The following SGCZ variants were observed in gnomAD, a reference collection of about 807,000 sequenced individuals.
SGCZ encodes zeta-sarcoglycan.
In SGCZ, 40 loss-of-function variants were observed where a neutral mutation model predicts 41.3. The ratio of observed to expected loss-of-function variants is 0.97; its 90% confidence interval spans 0.75 to 1.26. The LOEUF is 1.26. Ranked by LOEUF, SGCZ falls within the 50% of genes most tolerant of loss-of-function variation. The pLI, the probability that SGCZ is intolerant of heterozygous loss-of-function variation, is 0.00. For missense variants in SGCZ, 552 were observed against 369.8 expected, an observed-to-expected ratio of 1.49 and a Z score of -4.04; for synonymous variants, 206 against 137.5, an observed-to-expected ratio of 1.50 and a Z score of -3.49.
rs188430869 is a variant in SGCZ at position 14,991,546 on chromosome 8, C to G, written c.39+246039G>C. On this transcript the variant is annotated intron_variant, in intron 1 of 7. Transcript: ENST00000382080. ...ATGTCATCTGGCCACGTGATGCTTTCCTTGAATATTATCAAAGCACTTATG... is the reference window on the plus strand; with the variant it reads ...ATGTCATCTGGCCACGTGATGCTTTGCTTGAATATTATCAAAGCACTTATG... 2.6e-3 allele frequency among the ~76,000 whole-genome samples: 393 copies of G among 152,212 alleles called. 1 individual carries two copies. Among genetic ancestry groups the G allele is most frequent in the African/African-American group, 9.1e-3 (380 of 41,534 alleles).
chr8:15,029,081 T>A (rs1332299240), intron 1 of SGCZ, among the ~76,000 whole-genome samples: 6 of 152,086 alleles, frequency 3.9e-5, no homozygotes, highest in Non-Finnish European at 7.4e-5. Context: ...AGATTAGCAT[T>A]CCAAACCAGT....
chr8:14,567,220 C>A (rs1804398527), intron 1 of SGCZ, among the ~76,000 whole-genome samples: 1 of 152,200 alleles, frequency 6.6e-6, no homozygotes, highest in Non-Finnish European at 1.5e-5. Context: ...CTGAGGAGTG[C>A]AGGCGCACGG....
intron 1 of SGCZ, among the ~76,000 whole-genome samples, chr8:15,144,746 G>A (rs80299711): frequency 5.0e-4 from 76 of 152,298 alleles, no homozygotes; most frequent in African/African-American, 1.7e-3. Context: ...CATGAGCAAC[G>A]GCGCCCAGCC....
intron 1 of SGCZ, among the ~76,000 whole-genome samples, chr8:14,719,152 T>A (rs988297135): frequency 6.6e-6 from 1 of 150,912 alleles, no homozygotes; most frequent in Non-Finnish European, 1.5e-5. Flanking sequence ...TGATTTCCAG[T>A]TTCATCCATG....
intron 1 of SGCZ, among the ~76,000 whole-genome samples, chr8:14,686,259 A>T (rs1397093619): frequency 1.3e-5 from 2 of 152,266 alleles, no homozygotes; most frequent in East Asian, 3.9e-4. Flanking sequence ...AGGATATCCA[A>T]ATGAATAATT....
chr8:14,686,317 A>G (rs562666848), intron 1 of SGCZ, among the ~76,000 whole-genome samples: 1 of 152,174 alleles, frequency 6.6e-6, no homozygotes, highest in Admixed American at 6.6e-5. Flanking sequence ...GAAATATACA[A>G]TATAGTAACA....
intron 1 of SGCZ, among the ~76,000 whole-genome samples, chr8:14,884,913 G>A (rs761839681): frequency 9.9e-5 from 15 of 151,938 alleles, no homozygotes; most frequent in African/African-American, 2.2e-4. Flanking sequence ...GCAGACAGGC[G>A]CGTGTGTGTC....
intron 1 of SGCZ, among the ~76,000 whole-genome samples, chr8:15,209,411 C>G (rs1156916485): frequency 6.9e-6 from 1 of 144,716 alleles, no homozygotes; most frequent in Non-Finnish European, 1.5e-5. Flanking sequence ...ATTCCCATAT[C>G]TCTTCTTTCA....
chr8:14,478,389 G>A (rs1801423929), intron 2 of SGCZ, among the ~76,000 whole-genome samples: 1 of 152,048 alleles, frequency 6.6e-6, no homozygotes, highest in African/African-American at 2.4e-5. Flanking sequence ...AATACATGAA[G>A]GAATCTCATA....
intron 5 of SGCZ, among the ~76,000 whole-genome samples, chr8:14,140,261 C>A (rs192142883): frequency 6.6e-5 from 10 of 152,258 alleles, no homozygotes; most frequent in Admixed American, 5.2e-4. Context: ...AAAACTGGCA[C>A]AAGACAAGGA....
intron 1 of SGCZ, among the ~76,000 whole-genome samples, chr8:15,136,100 C>T (rs1321704480): frequency 1.3e-5 from 2 of 152,022 alleles, no homozygotes; most frequent in Admixed American, 6.6e-5. Context: ...ATGGAAAGCT[C>T]CTTCTGTCCC....
In SGCZ at chr8:14,957,663, T is replaced by C. The variant is rs111689674; in HGVS notation, c.39+279922A>G. On this transcript the variant is annotated intron_variant, in intron 1 of 7. Coordinates refer to ENST00000382080, the MANE Select transcript of SGCZ (RefSeq NM_139167.4). ...TTGTTTTAAAGCTACTTTGGGATAT[T>C]TGCATTTGGAGTAATTATTTTAATC... 9.3e-3 allele frequency among the ~76,000 whole-genome samples: 1,413 copies of C among 152,158 alleles called. 13 individuals carry two copies. The highest frequency in any genetic ancestry group is 0.019 in the South Asian group (91 of 4,830).
At chr8:14,979,577 A>T (rs1801594519) in intron 1 of SGCZ, among the ~76,000 whole-genome samples, 1 of 152,190 alleles carries the variant, frequency 6.6e-6, no homozygotes, top group Non-Finnish European at 1.5e-5. Context: ...ACTTTACTTG[A>T]TGTAAATAAA....
intron 2 of SGCZ, among the ~76,000 whole-genome samples, chr8:14,449,466 T>C (rs147720759): frequency 6.6e-6 from 1 of 152,300 alleles, no homozygotes; most frequent in African/African-American, 2.4e-5. Flanking sequence ...ACTTCTATCA[T>C]GCCCATTGCT....
intron 1 of SGCZ, among the ~76,000 whole-genome samples, chr8:15,158,671 G>A (rs1402381236): frequency 6.6e-6 from 1 of 152,092 alleles, no homozygotes; most frequent in Non-Finnish European, 1.5e-5. Context: ...TATCTGGGTA[G>A]GTTCTTTGAA....
At chr8:14,757,331 G>C (rs1050949962) in intron 1 of SGCZ, among the ~76,000 whole-genome samples, 7 of 152,330 alleles carry the variant, frequency 4.6e-5, no homozygotes, top group Admixed American at 3.3e-4. Context: ...CTGCAGGCGT[G>C]AGCCACCGTG....
chr8:14,948,696 A>C (rs1035346682), intron 1 of SGCZ, among the ~76,000 whole-genome samples: 3 of 152,104 alleles, frequency 2.0e-5, no homozygotes, highest in Non-Finnish European at 4.4e-5. Flanking sequence ...CCTCAAGCCT[A>C]ATGTTACTTT....
At chr8:15,216,951 G>T (rs188787232) in intron 1 of SGCZ, among the ~76,000 whole-genome samples, 1 of 152,060 alleles carries the variant, frequency 6.6e-6, no homozygotes, top group South Asian at 2.1e-4. Context: ...AGATTAAAGG[G>T]TAAAGAATCT....
At chr8:15,035,862 G>T (rs190318381) in intron 1 of SGCZ, among the ~76,000 whole-genome samples, 1 of 152,030 alleles carries the variant, frequency 6.6e-6, no homozygotes, top group Non-Finnish European at 1.5e-5. Flanking sequence ...CCAAAGAGAG[G>T]GATAGACTGT....
Sources: allele counts gnomAD v4.1 joint callset (sites outside exome capture counted in the v4.1 genomes callset), GRCh38; gene constraint gnomAD v4.1.1; transcripts MANE v1.5; gene names NCBI Gene and HGNC (gene_info 2026-07-23, HGNC 2026-07-21).